CGNL1: variants seen among roughly 807,000 people sequenced by gnomAD.
The protein encoded by CGNL1 is cingulin-like protein 1.
In CGNL1, 132 loss-of-function variants were observed where a neutral mutation model predicts 141.2. The ratio of observed to expected loss-of-function variants is 0.93; its 90% CI spans 0.81 to 1.08. CGNL1 has a LOEUF of 1.08. Ranked by LOEUF, CGNL1 falls within the 50% of genes least tolerant of loss-of-function variation. The pLI, the probability that CGNL1 is intolerant of heterozygous loss-of-function variation, is 0.00. For missense variants in CGNL1, 1,870 were observed against 1,588.6 expected (o/e 1.18, Z -3.01); for synonymous variants, 690 against 622.1 (o/e 1.11, Z -1.63).
chr15:57,437,091 G>C (rs4774940), intron 1 of CGNL1, among the ~76,000 whole-genome samples: 48,440 of 151,894 alleles, frequency 0.32, 7,735 homozygotes, highest in Middle Eastern at 0.39. Context: ...TGAATTTCTG[G>C]TGAGGAACCT....
intron 4 of CGNL1, among the ~76,000 whole-genome samples, chr15:57,443,428 G>C (rs2063214476): frequency 6.6e-6 from 1 of 152,200 alleles, no homozygotes; most frequent in Non-Finnish European, 1.5e-5. Flanking sequence ...TCCCCTCCCA[G>C]GGGAGTTCTG....
chr15:57,405,633 G>C (rs1291527892), intron 1 of CGNL1, among the ~76,000 whole-genome samples: 2 of 152,016 alleles, frequency 1.3e-5, no homozygotes, highest in Non-Finnish European at 2.9e-5. Flanking sequence ...TCATTCATAG[G>C]GCTCTTTCTG....
intron 8 of CGNL1, among the ~76,000 whole-genome samples, chr15:57,495,736 T>C (rs1384664026): frequency 1.3e-5 from 2 of 152,118 alleles, no homozygotes; most frequent in African/African-American, 4.8e-5. Context: ...TCTTGGGAGG[T>C]GTTTCACATG....
intron 8 of CGNL1, among the ~76,000 whole-genome samples, chr15:57,480,308 A>G (rs1307926262): frequency 7.5e-6 from 1 of 132,458 alleles, no homozygotes; most frequent in African/African-American, 3.4e-5. Flanking sequence ...ACCTGAGGTC[A>G]GGAGTTTGAG....
intron 2 of CGNL1, among the ~76,000 whole-genome samples, chr15:57,439,946 G>C (rs2063164262): frequency 6.6e-6 from 1 of 152,158 alleles, no homozygotes; most frequent in Non-Finnish European, 1.5e-5. Flanking sequence ...AGTTAGGTTT[G>C]TGTAGGTATA....
intron 8 of CGNL1, among the ~76,000 whole-genome samples, chr15:57,487,358 T>C (rs552478739): frequency 2.8e-5 from 3 of 106,752 alleles, no homozygotes; most frequent in South Asian, 7.0e-4. Flanking sequence ...TTTTCAGGTA[T>C]ACAGAGTCAA....
rs750256509 is a variant in CGNL1, at chr15:57,452,198, C to T, written c.1963C>T (p.Arg655Ter). Reference sequence around the variant, plus strand: ...GATGAGAGCAAACCTAGAAGAGCTCCGAAGCCAACACAACGAAAAGGTGGA... The same window carrying T: ...GATGAGAGCAAACCTAGAAGAGCTCTGAAGCCAACACAACGAAAAGGTGGA... Reference protein sequence around the residue: ...ERMRANLEELRSQHNEKVEEN... With the variant: ...ERMRANLEEL Residue 655 changes from arginine (R) to a stop codon, truncating the protein, a stop_gained, in exon 6 of 19, where the codon CGA (arginine) becomes TGA (stop). Coordinates refer to ENST00000281282, the MANE Select transcript of CGNL1 (RefSeq NM_032866.5). LOFTEE classifies it high-confidence loss of function. The T allele has an allele frequency of 8.7e-6, 14 of 1,613,696 alleles. No homozygotes were observed. The highest frequency in any genetic ancestry group is 6.6e-5 in the South Asian group (6 of 91,060).
intron 1 of CGNL1, among the ~76,000 whole-genome samples, chr15:57,430,280 G>A (rs534574547): frequency 5.3e-5 from 8 of 152,260 alleles, no homozygotes; most frequent in Non-Finnish European, 8.8e-5. Flanking sequence ...TCTGCATCTC[G>A]GAGTCAGGTG....
At chr15:57,456,172 A>C (rs1224084557) in intron 7 of CGNL1, among the ~76,000 whole-genome samples, 1 of 152,212 alleles carries the variant, frequency 6.6e-6, no homozygotes, top group African/African-American at 2.4e-5. Context: ...ATCTTAATAA[A>C]AAGTGGCCTG....
intron 1 of CGNL1, among the ~76,000 whole-genome samples, chr15:57,383,668 G>C (rs1322920309): frequency 1.3e-5 from 2 of 148,466 alleles, no homozygotes; most frequent in African/African-American, 2.5e-5. Flanking sequence ...TGTTGGCCAG[G>C]CTGGAGTGCA....
In CGNL1 at chr15:57,436,035, C is replaced by T. The variant is rs144735997; in HGVS notation, c.-15-1950C>T. Among the ~76,000 whole-genome samples, 614 of 152,284 alleles carry T rather than the reference C, an allele frequency of 4.0e-3. 6 individuals are homozygous for T. The highest frequency in any genetic ancestry group is 0.014 in the African/African-American group (580 of 41,552). On this transcript the variant is annotated intron_variant, in intron 1 of 18. Transcript: ENST00000281282. ...AAAACAGCACAGCAACAAAATACTA[C>T]ATATGCAACAACTTTCTCAGAATCA...
chr15:57,399,070 A>G (rs2062632000), intron 1 of CGNL1, among the ~76,000 whole-genome samples: 2 of 152,214 alleles, frequency 1.3e-5, no homozygotes, highest in Non-Finnish European at 2.9e-5. Flanking sequence ...AGGATTGGCT[A>G]AATTATGATA....
intron 8 of CGNL1, among the ~76,000 whole-genome samples, chr15:57,490,049 C>T (rs1337359744): frequency 2.0e-5 from 3 of 152,036 alleles, no homozygotes; most frequent in South Asian, 2.1e-4. Context: ...GGAGAGATTT[C>T]GTGACAGACA....
intron 12 of CGNL1, among the ~76,000 whole-genome samples, chr15:57,526,627 C>A (rs74016257): frequency 1.3e-3 from 201 of 152,044 alleles, no homozygotes; most frequent in African/African-American, 4.6e-3. Flanking sequence ...TACCATTGTT[C>A]AGTTTATTTT....
intron 14 of CGNL1, among the ~76,000 whole-genome samples, chr15:57,536,493 G>A (rs1336879891): frequency 3.3e-5 from 5 of 152,194 alleles, no homozygotes; most frequent in Non-Finnish European, 7.3e-5. Context: ...TGGATTTGGA[G>A]TTGATAAAAT....
chr15:57,437,845 G>A (rs2063125936), intron 1 of CGNL1, 140 bp from the exon 2 acceptor site: 6 of 857,358 alleles, frequency 7.0e-6, no homozygotes, highest in African/African-American at 1.7e-5. Flanking sequence ...TCAGCACTTG[G>A]TTCTGAGGTG....
At chr15:57,392,870 G>T (rs1046896665) in intron 1 of CGNL1, among the ~76,000 whole-genome samples, 1 of 152,026 alleles carries the variant, frequency 6.6e-6, no homozygotes. Context: ...TGATACCCTG[G>T]ACTAATACAT....
intron 7 of CGNL1, 95 bp downstream of exon 7, chr15:57,453,913 T>G: frequency 2.2e-6 from 3 of 1,382,598 alleles, no homozygotes; most frequent in Non-Finnish European, 3.0e-6. Flanking sequence ...CACTTTCTGA[T>G]GTGCACACCT....
At chr15:57,378,363 G>T (rs568887106) in intron 1 of CGNL1, among the ~76,000 whole-genome samples, 4 of 33,936 alleles carry the variant, frequency 1.2e-4, no homozygotes, top group African/African-American at 1.1e-4. Context: ...CCCTCTATGT[G>T]TTTTTTTTTT....
Sources: allele counts gnomAD v4.1 joint callset (sites outside exome capture counted in the v4.1 genomes callset), GRCh38; gene constraint gnomAD v4.1.1; transcripts MANE v1.5; gene names NCBI Gene and HGNC (gene_info 2026-07-23, HGNC 2026-07-21).